Variants in ABR observed in about 807,000 individuals in gnomAD.
ABR encodes ABR activator of RhoGEF and GTPase.
Under a neutral mutation model 107.2 loss-of-function variants are expected in ABR, and 35 were observed. The ratio of observed to expected loss-of-function variants is 0.33; its 90% CI spans 0.25 to 0.43. The LOEUF (loss-of-function observed/expected upper bound fraction) is 0.43. Among genes scored for constraint, ABR ranks in the 20% least tolerant of loss-of-function variants. The pLI, the probability that ABR is intolerant of heterozygous loss-of-function variation, is 1.00. For missense variants in ABR, 815 were observed against 1,115.2 expected (o/e 0.73, Z 3.83); for synonymous variants, 498 against 462.0 (o/e 1.08, Z -1.00).
rs1331677745 is a variant in ABR at position 1,079,378 on chromosome 17, T to C, written c.652A>G (p.Lys218Glu). ...FQKISEELKV[K>E]GPKDSKDSHT... ...CTGTCCTTGGAGTCCTTGGGACCTT[T>C]CACTTTGAGTTCCTGCCAAAGGGAG... is the stretch of plus-strand genomic sequence containing the variant. The change falls in exon 6 of 23, where the codon AAA becomes GAA. Residue 218 changes from lysine (K) to glutamate (E), a missense_variant. Lys to Glu is a moderately conservative substitution (Grantham distance 56). Around this residue, in one of 5 missense-constraint regions of ABR, gnomAD observed 385 missense variants for 596.9 expected, o/e 0.64. Coordinates refer to ENST00000302538, the MANE Select transcript of ABR (RefSeq NM_021962.5). 1 of 1,613,384 alleles carries C rather than the reference T, an allele frequency of 6.2e-7. No homozygotes were observed. The highest frequency in any genetic ancestry group is 1.3e-5 in the African/African-American group (1 of 74,904).
At chr17:1,080,024 C>T (rs987790661) in intron 5 of ABR, among the ~76,000 whole-genome samples, 6 of 151,982 alleles carry the variant, frequency 3.9e-5, no homozygotes, top group Non-Finnish European at 7.4e-5. Flanking sequence ...GAACCCTACA[C>T]GTCGGCCAAG....
intron 16 of ABR, among the ~76,000 whole-genome samples, chr17:1,038,570 C>T (rs893362277): frequency 6.6e-5 from 10 of 152,202 alleles, no homozygotes; most frequent in African/African-American, 2.4e-4. Context: ...GGCGTGAACA[C>T]GGTGTGCCCA....
intron 1 of ABR, among the ~76,000 whole-genome samples, chr17:1,129,908 T>C (rs1000857830): frequency 1.3e-5 from 2 of 151,928 alleles, no homozygotes; most frequent in East Asian, 1.9e-4. Flanking sequence ...GATTGCACCA[T>C]TGCACGCCAG....
intron 16 of ABR, among the ~76,000 whole-genome samples, chr17:1,023,478 G>A (rs1023810328): frequency 6.6e-6 from 1 of 152,222 alleles, no homozygotes; most frequent in African/African-American, 2.4e-5. Flanking sequence ...CCCAGCCCAG[G>A]GCAGGTCGAG....
At chr17:1,111,051 G>A (rs769073771) in intron 2 of ABR, among the ~76,000 whole-genome samples, 12 of 152,140 alleles carry the variant, frequency 7.9e-5, no homozygotes, top group Admixed American at 2.0e-4. Flanking sequence ...TCTGTCTCCC[G>A]CCCGGCGGGC....
upstream of ABR, among the ~76,000 whole-genome samples, chr17:1,183,188 C>T (rs8068232): frequency 2.8e-3 from 420 of 152,210 alleles, 3 homozygotes; most frequent in African/African-American, 9.3e-3. Context: ...AAATGTGGAC[C>T]GGGTGGGGAC....
At chr17:1,124,014 G>A (rs1370177693) in intron 2 of ABR, among the ~76,000 whole-genome samples, 1 of 152,146 alleles carries the variant, frequency 6.6e-6, no homozygotes, top group African/African-American at 2.4e-5. Context: ...GTGCACGCCT[G>A]GACTGCCGCT....
At chr17:1,012,117 C>T (rs1466635639) in intron 18 of ABR, 132 bp from the exon 19 acceptor site, 2 of 1,462,948 alleles carry the variant, frequency 1.4e-6, no homozygotes, top group Non-Finnish European at 1.9e-6. Flanking sequence ...GGGGCAGGGG[C>T]AGGGCAGAGA....
Position 1,148,454 on chromosome 17 carries a change from T to C in ABR, c.62-23087A>G, listed in dbSNP as rs2040645812. On this transcript the variant is annotated intron_variant, in intron 1 of 22. Transcript: ENST00000302538. The surrounding 1 kb of genome is among the most constrained non-coding windows in gnomAD (Gnocchi z 4.9). ...TGGGGGCTGGAGAAACGGGGAGCTG[T>C]TGTTCAATACAGGGGTCCCCAGCCC... Among the ~76,000 whole-genome samples, 1 of 152,166 alleles carries C rather than the reference T, an allele frequency of 6.6e-6. No individual in the cohort carries two copies. The highest frequency in any genetic ancestry group is 2.4e-5 in the African/African-American group (1 of 41,452).
Position 1,067,230 on chromosome 17 carries a change from C to A in ABR, c.1029G>T (p.Gln343His). Residue 343 changes from glutamine to histidine, a missense_variant, in exon 10 of 23, where the codon CAG (glutamine) becomes CAT (histidine). By Grantham distance (24) the Gln-to-His change is conservative. Transcript: ENST00000302538. The stretch of plus-strand genomic sequence containing the variant: ...GGGGGATGTACCACTTACAGTCATA[C>A]TGCTGGTGCTTCCTGCAAACGAGCC... ...LKKTSAGKHQ[Q>H]YDCKWYIPLA... 2.5e-6 allele frequency: 4 copies of A among 1,591,412 alleles called. No individual in the cohort carries two copies. Among genetic ancestry groups the A allele is most frequent in the Non-Finnish European group, 3.4e-6 (4 of 1,169,936 alleles).
At chr17:1,054,486 A>G (rs537818417) in intron 14 of ABR, among the ~76,000 whole-genome samples, 94 of 150,498 alleles carry the variant, frequency 6.2e-4, no homozygotes, top group Non-Finnish European at 1.1e-3. Flanking sequence ...TGGGGGCACA[A>G]GGAACCTCAA....
chr17:1,012,614 AGGGCTGGGGGGCCC>A (rs910891171), intron 18 of ABR, 60 bp downstream of exon 18: 24 of 1,087,704 alleles, frequency 2.2e-5, no homozygotes, highest in Middle Eastern at 2.0e-4. Context: ...ACCGGCGGGG[AGGGCTGGGGGGCCC>A]GGGCTGGGGG....
intron 16 of ABR, among the ~76,000 whole-genome samples, chr17:1,020,883 G>T (rs1422015388): frequency 2.0e-5 from 3 of 152,104 alleles, no homozygotes; most frequent in African/African-American, 7.2e-5. Context: ...GGCTGCTCCC[G>T]GCCAGCTCCC....
At position 1,005,520 on chromosome 17, in the gene ABR, G is replaced by A. The variant is rs2069954568; in HGVS notation, c.*560C>T. The A allele has an allele frequency of 9.4e-6, 2 of 213,234 alleles. No homozygotes were observed. The highest frequency in any genetic ancestry group is 5.8e-5 in the Admixed American group (1 of 17,296). 13.2% of individuals were successfully genotyped at this position (213,234 alleles called of 1,614,324 possible). On this transcript the variant is annotated 3_prime_UTR_variant, in exon 23 of 23. Transcript: ENST00000302538. ...AGACCACTGCTGCCGCGGCAACCCA[G>A]GGCCTCTTCAGAGCTTTCAAGGCGA...
intron 16 of ABR, among the ~76,000 whole-genome samples, chr17:1,018,233 G>A (rs4968143): frequency 0.23 from 35,406 of 151,576 alleles, 4,256 homozygotes; most frequent in East Asian, 0.38. Flanking sequence ...TAGTAGAGAC[G>A]GGGTTTCACC....
chr17:1,131,129 T>C (rs534125138), intron 1 of ABR, among the ~76,000 whole-genome samples: 4 of 74,578 alleles, frequency 5.4e-5, no homozygotes, highest in Non-Finnish European at 7.8e-5. Flanking sequence ...CGCGCACAGC[T>C]CCCCCCTCTT....
chr17:1,216,265 A>C (rs2043007582), intron 1 of ABR, among the ~76,000 whole-genome samples: 2 of 152,172 alleles, frequency 1.3e-5, no homozygotes, highest in African/African-American at 4.8e-5. Context: ...CAGTTCTCAC[A>C]AATCTGCGAG....
At chr17:1,117,813 C>A (rs112247654) in intron 2 of ABR, among the ~76,000 whole-genome samples, 1 of 70,346 alleles carries the variant, frequency 1.4e-5, no homozygotes, top group Non-Finnish European at 2.7e-5. Context: ...GAGCCTGAGT[C>A]CTCCCAGCGT....
rs531802800 is a variant in ABR, at chr17:1,194,823, T to C, written c.838+33970A>G. Among the ~76,000 whole-genome samples the C allele has an allele frequency of 2.0e-4, 25 of 124,790 alleles. 7 individuals carry two copies. In the East Asian group the frequency reaches 9.6e-3, roughly 48 times the overall value. 81.9% of individuals were successfully genotyped at this position (124,790 alleles called of 152,430 possible). On this transcript the variant is annotated intron_variant, in intron 1 of 22. Transcript: ENST00000574139. The stretch of plus-strand genomic sequence containing the variant: ...CATGTGCCACCATGCCCTAAAAATT[T>C]TGTATTTTTAGTAGAGACAGGGTTT...
Sources: allele counts gnomAD v4.1 joint callset (sites outside exome capture counted in the v4.1 genomes callset), GRCh38; gene constraint gnomAD v4.1.1; regional missense constraint gnomAD v4.1.1; non-coding constraint Gnocchi (gnomAD v3.1); transcripts MANE v1.5; gene names NCBI Gene and HGNC (gene_info 2026-07-23, HGNC 2026-07-21).